Variants in ATXN2 observed in about 807,000 individuals in gnomAD.
ATXN2 encodes the protein ataxin 2.
A neutral mutation model predicts 138.6 loss-of-function variants in ATXN2; 37 were observed. That is an observed-to-expected ratio of 0.27 (90% CI 0.21 to 0.35). The LOEUF (loss-of-function observed/expected upper bound fraction) is 0.35. Among genes scored for constraint, ATXN2 ranks in the 10% least tolerant of loss-of-function variants. The pLI is 1.00. For synonymous variants in ATXN2, 549 were observed against 543.7 expected (o/e 1.01, Z -0.13); for missense variants, 1,216 against 1,480.3 (o/e 0.82, Z 2.93).
At chr12:111,536,860 T>C (rs1420179691) in intron 5 of ATXN2, among the ~76,000 whole-genome samples, 3 of 144,978 alleles carry the variant, frequency 2.1e-5, no homozygotes, top group Admixed American at 7.2e-5. Flanking sequence ...CTCGGCTCAC[T>C]GTAGCCTCGG....
At chr12:111,485,148 T>C (rs745471860) in intron 18 of ATXN2, 117 bp downstream of exon 18, 12 of 893,414 alleles carry the variant, frequency 1.3e-5, no homozygotes, top group Non-Finnish European at 2.1e-5. Flanking sequence ...CAAAAGCCAA[T>C]GCATAGCCTC....
chr12:111,596,373 T>TCA (rs35861967), intron 1 of ATXN2, among the ~76,000 whole-genome samples: 103,338 of 151,060 alleles, frequency 0.68, 36,835 homozygotes, highest in Non-Finnish European at 0.78. Flanking sequence ...GAAAAACTAT[T>TCA]CACACACACA....
intron 1 of ATXN2, among the ~76,000 whole-genome samples, chr12:111,558,793 T>C (rs1882518878): frequency 6.6e-6 from 1 of 151,984 alleles, no homozygotes; most frequent in South Asian, 2.1e-4. Context: ...CAAAACCCTG[T>C]CTCAAAAAAT....
chr12:111,550,303 T>G (rs544519350), intron 5 of ATXN2, among the ~76,000 whole-genome samples: 10 of 152,152 alleles, frequency 6.6e-5, no homozygotes, highest in African/African-American at 2.2e-4. Context: ...TTAATGACAT[T>G]AATTTTGAAG....
intron 22 of ATXN2, among the ~76,000 whole-genome samples, 198 bp from the exon 23 acceptor site, chr12:111,456,454 G>C (rs1875110372): frequency 6.6e-6 from 1 of 152,164 alleles, no homozygotes; most frequent in South Asian, 2.1e-4. Context: ...ACAGAAGCCT[G>C]ATTCTCAGTC....
chr12:111,481,463 G>A lies in ATXN2; in HGVS notation c.2524+3802C>T, dbSNP rs1877235876. Among the ~76,000 whole-genome samples, 2 of 151,080 alleles carry A rather than the reference G, an allele frequency of 1.3e-5. 1 individual carries two copies. The highest frequency in any genetic ancestry group is 4.2e-4 in the South Asian group (2 of 4,780). ...ATACAAAAAAACAAAAAACCACAAT[G>A]ACACTTCATAACCACTAGAATGGAC... On this transcript the variant is annotated intron_variant, in intron 18 of 24. Transcript: ENST00000673436.
intron 18 of ATXN2, among the ~76,000 whole-genome samples, chr12:111,473,198 C>T (rs117509393): frequency 0.017 from 2,511 of 151,278 alleles, 40 homozygotes; most frequent in Admixed American, 0.03. Flanking sequence ...TGCCTTAGCT[C>T]GGGAAGTTGA....
chr12:111,588,295 T>G (rs751751852), intron 1 of ATXN2, among the ~76,000 whole-genome samples: 1 of 152,084 alleles, frequency 6.6e-6, no homozygotes, highest in Non-Finnish European at 1.5e-5. Flanking sequence ...GTAAGAATCT[T>G]TAAATGTTAA....
At chr12:111,582,883 C>T (rs901737398) in intron 1 of ATXN2, among the ~76,000 whole-genome samples, 10 of 151,836 alleles carry the variant, frequency 6.6e-5, no homozygotes, top group African/African-American at 4.8e-5. Flanking sequence ...TTAGGCAGGA[C>T]GGTCTCGATC....
At position 111,453,646 on chromosome 12, in the gene ATXN2, C is replaced by A; in HGVS notation, c.3439+31G>T. 3 of 1,511,774 alleles carry A rather than the reference C, an allele frequency of 2.0e-6. No homozygotes were observed. Among genetic ancestry groups the A allele is most frequent in the Non-Finnish European group, 1.8e-6 (2 of 1,126,250 alleles). The allele number at this position is 1,511,774 out of a possible 1,614,324, so 93.6% of individuals were successfully genotyped here. A position where few individuals can be genotyped will look rare whatever the true frequency, so the allele number is the denominator to read the frequency against. ...TGTGCGAGCAGAATGCTTTGGGGTG[C>A]CCCGGCGGCCCCTGCACACACACGC... On this transcript the variant is annotated intron_variant, in intron 24 of 24. Transcript: ENST00000673436. This position sits in a 1 kb window ranked among gnomAD's most constrained non-coding sequence, Gnocchi z 5.4.
At chr12:111,574,308 CAAAA>C (rs997437123) in intron 1 of ATXN2, among the ~76,000 whole-genome samples, 8 of 32,586 alleles carry the variant, frequency 2.5e-4, no homozygotes, top group Admixed American at 7.6e-4. Flanking sequence ...ACTCTGTCTC[CAAAA>C]AAAAAAAAAA....
intron 10 of ATXN2, 104 bp from the exon 11 acceptor site, chr12:111,513,643 A>C: frequency 1.1e-6 from 1 of 917,918 alleles, no homozygotes; most frequent in Non-Finnish European, 1.5e-6. Context: ...ACACTCACTC[A>C]CTCTACAGTT....
chr12:111,540,365 TAG>T (rs1325334413), intron 5 of ATXN2, among the ~76,000 whole-genome samples: 3 of 150,590 alleles, frequency 2.0e-5, no homozygotes, highest in Non-Finnish European at 4.5e-5. Flanking sequence ...CTTTACCTAA[TAG>T]AGAGTTTAAG....
At chr12:111,572,380 G>C (rs1166375640) in intron 1 of ATXN2, among the ~76,000 whole-genome samples, 1 of 150,316 alleles carries the variant, frequency 6.7e-6, no homozygotes, top group African/African-American at 2.5e-5. Context: ...CAGCCTGGGT[G>C]ACAAGAGCAA....
chr12:111,469,746 A>G, intron 20 of ATXN2: 2 of 286,146 alleles, frequency 7.0e-6, no homozygotes. Flanking sequence ...ATGCTGGAGA[A>G]CACCTTTATG....
chr12:111,599,661 T>C, upstream of ATXN2: 3 of 1,067,594 alleles, frequency 2.8e-6, no homozygotes, highest in Non-Finnish European at 3.4e-6. Flanking sequence ...GCGCGCTGGG[T>C]TGCTTTCTCG....
rs1000480692 is a variant in ATXN2 at position 111,510,644 on chromosome 12, G to A, written c.1559-62C>T. The A allele has an allele frequency of 2.8e-6, 4 of 1,420,730 alleles. No homozygotes were observed. In the African/African-American group the frequency reaches 4.3e-5, roughly 15 times the overall value. 88.0% of individuals were successfully genotyped at this position (1,420,730 alleles called of 1,614,324 possible). ...GTTCAAATGTTACTTCCTAAAAGAG[G>A]CTTCAGGCTTCTCTGAAGATCTAGG... is the stretch of plus-strand genomic sequence containing the variant. On this transcript the variant is annotated intron_variant, in intron 11 of 24. Coordinates refer to ENST00000673436, the MANE Select transcript of ATXN2 (RefSeq NM_001372574.1).
At chr12:111,515,142 A>G (rs1379748507) in intron 10 of ATXN2, among the ~76,000 whole-genome samples, 1 of 152,212 alleles carries the variant, frequency 6.6e-6, no homozygotes, top group Non-Finnish European at 1.5e-5. Context: ...TGCTTCAGTC[A>G]AAGTCATATG....
In ATXN2 at chr12:111,516,330, G is replaced by C; in HGVS notation, c.1199C>G (p.Ser400Cys). 1 of 1,586,014 alleles carries C rather than the reference G, an allele frequency of 6.3e-7. No homozygotes were observed. The highest frequency in any genetic ancestry group is 8.6e-7 in the Non-Finnish European group (1 of 1,169,286). Reference sequence around the variant, plus strand: ...CTGGTAGCGAGAAGGTGGGCGAGAGGAAGGAGATGGGCAAGGCGATGGCCA... The same window carrying C: ...CTGGTAGCGAGAAGGTGGGCGAGAGCAAGGAGATGGGCAAGGCGATGGCCA... The part of the protein sequence containing the change: ...VPWPSPCPSP[S>C]SRPPSRYQSG... The change falls in exon 10 of 25, where the codon TCC becomes TGC. Residue 400 changes from serine (S) to cysteine (C), a missense_variant. Ser to Cys is a moderately radical substitution (Grantham distance 112). This residue lies in a region of ATXN2 where 401 missense variants were observed against 528.1 expected (regional missense o/e 0.76). Coordinates refer to ENST00000673436, the MANE Select transcript of ATXN2 (RefSeq NM_001372574.1). The surrounding 1 kb of genome is among the most constrained non-coding windows in gnomAD (Gnocchi z 5.0).
Sources: allele counts gnomAD v4.1 joint callset (sites outside exome capture counted in the v4.1 genomes callset), GRCh38; gene constraint gnomAD v4.1.1; regional missense constraint gnomAD v4.1.1; non-coding constraint Gnocchi (gnomAD v3.1); transcripts MANE v1.5; gene names NCBI Gene and HGNC (gene_info 2026-07-23, HGNC 2026-07-21).